SRPRA: variants seen among roughly 807,000 people sequenced by gnomAD.
SRPRA encodes the protein SRP receptor subunit alpha.
Under a neutral mutation model 61.1 loss-of-function variants are expected in SRPRA, and 30 were observed. The ratio of observed to expected loss-of-function variants is 0.49; its 90% CI spans 0.37 to 0.67. SRPRA has a LOEUF of 0.67. SRPRA is among the 30% of genes least tolerant of loss of function. The probability of loss-of-function intolerance (pLI) is 0.00; values close to 1 mark genes in which losing one functional copy is unlikely to be tolerated. For synonymous variants in SRPRA, 324 were observed against 299.7 expected, an observed-to-expected ratio of 1.08 and a Z score of -0.84; for missense variants, 759 against 828.4, an observed-to-expected ratio of 0.92 and a Z score of 1.03.
At position 126,263,716 on chromosome 11, in the gene SRPRA, T is replaced by A. The variant is rs1256677715; in HGVS notation, c.*200A>T. The A allele has an allele frequency of 3.1e-5, 22 of 708,730 alleles. No individual in the cohort carries two copies. The highest frequency in any genetic ancestry group is 4.8e-5 in the Non-Finnish European group (21 of 435,274). 43.9% of individuals were successfully genotyped at this position (708,730 alleles called of 1,614,324 possible). ...CCGCTGGGAGAGGGTCAGTGGGCAG[T>A]GATTGTAACATGATTAGGCCTTCCT... On this transcript the variant is annotated 3_prime_UTR_variant, in exon 14 of 14. Transcript: ENST00000332118.
chr11:126,254,234 C>T, the SRPRA span: 6 of 1,551,978 alleles, frequency 3.9e-6, no homozygotes, highest in Non-Finnish European at 5.2e-6. Flanking sequence ...AAAACAGCCT[C>T]TTGCCCATTG....
the SRPRA span, among the ~76,000 whole-genome samples, chr11:126,237,685 A>T: frequency 1.5e-4 from 1 of 6,548 alleles, no homozygotes; most frequent in Non-Finnish European, 2.8e-4. Flanking sequence ...TCTACTAAAA[A>T]AAAAAAAAAA....
downstream of SRPRA, among the ~76,000 whole-genome samples, chr11:126,258,968 G>A (rs1950626822): frequency 6.6e-6 from 1 of 152,180 alleles, no homozygotes; most frequent in Non-Finnish European, 1.5e-5. Context: ...TATTAGCTGT[G>A]TAGGCTTCCT....
chr11:126,240,658 G>A, the SRPRA span: 3 of 790,302 alleles, frequency 3.8e-6, no homozygotes, highest in Non-Finnish European at 5.9e-6. Context: ...CTTTGGAAAG[G>A]TGTCAAAAAC....
the SRPRA span, among the ~76,000 whole-genome samples, chr11:126,251,044 T>C: frequency 2.6e-5 from 4 of 152,226 alleles, no homozygotes; most frequent in Non-Finnish European, 5.9e-5. Flanking sequence ...TGGTGTAATA[T>C]TGATAATGCT....
the SRPRA span, among the ~76,000 whole-genome samples, chr11:126,249,253 T>C: frequency 6.6e-6 from 1 of 152,342 alleles, no homozygotes; most frequent in African/African-American, 2.4e-5. Flanking sequence ...GATTGGTGTT[T>C]GATGTTTTCA....
At chr11:126,256,586 A>G in the SRPRA span, 5 of 1,613,918 alleles carry the variant, frequency 3.1e-6, no homozygotes, top group Admixed American at 3.3e-5. This position sits in a 1 kb window ranked among gnomAD's most constrained non-coding sequence, Gnocchi z 6.6. Context: ...CAGAAACTCT[A>G]CGAAAACAAG....
chr11:126,267,470 T>C lies in SRPRA; in HGVS notation c.365+79A>G. 3 of 1,595,410 alleles carry C rather than the reference T, an allele frequency of 1.9e-6. No individual in the cohort carries two copies. Among genetic ancestry groups the C allele is most frequent in the Non-Finnish European group, 2.6e-6 (3 of 1,168,986 alleles). On this transcript the variant is annotated intron_variant, in intron 3 of 13. Coordinates refer to ENST00000332118, the MANE Select transcript of SRPRA (RefSeq NM_003139.4). This position sits in a 1 kb window ranked among gnomAD's most constrained non-coding sequence, Gnocchi z 4.2. ...TTAGGAATGTCTTTGAACACATCAATTTACCACCTTTGAACCACCTTCAGA... is the reference window on the plus strand; with the variant it reads ...TTAGGAATGTCTTTGAACACATCAACTTACCACCTTTGAACCACCTTCAGA...
the SRPRA span, chr11:126,256,422 C>G: frequency 1.5e-6 from 1 of 653,648 alleles, no homozygotes; most frequent in Middle Eastern, 3.4e-4. The surrounding 1 kb of genome is among the most constrained non-coding windows in gnomAD (Gnocchi z 6.6). Flanking sequence ...AGCAAGAGAT[C>G]ACACTCCTTG....
chr11:126,258,428 G>A (rs548201546), downstream of SRPRA, among the ~76,000 whole-genome samples: 1 of 152,170 alleles, frequency 6.6e-6, no homozygotes, highest in Non-Finnish European at 1.5e-5. Context: ...ACATAAAGCA[G>A]TTTTCCTAAA....
the SRPRA span, among the ~76,000 whole-genome samples, chr11:126,245,795 G>A: frequency 4.6e-5 from 7 of 152,050 alleles, no homozygotes; most frequent in Non-Finnish European, 1.0e-4. Flanking sequence ...TCGGAAGTTC[G>A]AGACCAGCCT....
At chr11:126,252,695 A>G in the SRPRA span, among the ~76,000 whole-genome samples, 1 of 152,088 alleles carries the variant, frequency 6.6e-6, no homozygotes, top group South Asian at 2.1e-4. The surrounding 1 kb of genome is among the most constrained non-coding windows in gnomAD (Gnocchi z 4.7). Flanking sequence ...GTGAGTTGTG[A>G]TCACACTGTT....
chr11:126,266,174 G>A lies in SRPRA; in HGVS notation c.932+13C>T. 6.2e-7 allele frequency: 1 copy of A among 1,613,972 alleles called. No individual in the cohort carries two copies. Among genetic ancestry groups the A allele is most frequent in the Non-Finnish European group, 8.5e-7 (1 of 1,179,928 alleles). The stretch of plus-strand genomic sequence containing the variant: ...CAGATGCATATACCAACCCCCACCT[G>A]AAATTCCCCTACCTAGGTTTGGTAG... On this transcript the variant is annotated intron_variant, in intron 7 of 13. Transcript: ENST00000332118.
At chr11:126,258,702 CAT>C (rs1591530895), downstream of SRPRA, among the ~76,000 whole-genome samples, 1 of 152,218 alleles carries the variant, frequency 6.6e-6, no homozygotes, top group Non-Finnish European at 1.5e-5. Context: ...TTCTGTTGCA[CAT>C]GTTGTTTTCA....
In SRPRA at chr11:126,265,399, C is replaced by A; in HGVS notation, c.1180G>T (p.Val394Leu). ...CGACGCTGTGGCTGCAGAATCTGCACCAGGGACTCCTGTAGGGCTTGCTTT... is the reference window on the plus strand; with the variant it reads ...CGACGCTGTGGCTGCAGAATCTGCAACAGGGACTCCTGTAGGGCTTGCTTT... ...TVKQALQESL[V>L]QILQPQRRVD... The change falls in exon 10 of 14, where the codon GTG becomes TTG. Residue 394 changes from valine (V) to leucine (L), a missense_variant. Coordinates refer to ENST00000332118, the MANE Select transcript of SRPRA (RefSeq NM_003139.4). This position sits in a 1 kb window ranked among gnomAD's most constrained non-coding sequence, Gnocchi z 6.3. 6.2e-7 allele frequency: 1 copy of A among 1,613,922 alleles called. No individual in the cohort carries two copies. The highest frequency in any genetic ancestry group is 1.1e-5 in the South Asian group (1 of 91,076).
the SRPRA span, chr11:126,250,678 A>G: frequency 2.4e-5 from 39 of 1,614,168 alleles, no homozygotes; most frequent in Non-Finnish European, 3.1e-5. This position sits in a 1 kb window ranked among gnomAD's most constrained non-coding sequence, Gnocchi z 5.1. Flanking sequence ...TTGGAACTGT[A>G]TGCAGCAGAT....
the SRPRA span, among the ~76,000 whole-genome samples, chr11:126,249,731 CAAAAAAAAAA>C: frequency 3.8e-5 from 3 of 79,004 alleles, no homozygotes; most frequent in East Asian, 1.2e-3. Context: ...GACTCCGTCT[CAAAAAAAAAA>C]AAAAAAAAAA....
chr11:126,262,355 C>G (rs1950718476), downstream of SRPRA: 3 of 572,244 alleles, frequency 5.2e-6, 1 homozygote, highest in Non-Finnish European at 9.3e-6. Context: ...ATAAAAGCGA[C>G]AGCAGGACCC....
In SRPRA at chr11:126,265,784, T is replaced by C; in HGVS notation, c.1091A>G (p.Glu364Gly). The C allele has an allele frequency of 6.2e-7, 1 of 1,614,204 alleles. No individual in the cohort carries two copies. Among genetic ancestry groups the C allele is most frequent in the Non-Finnish European group, 8.5e-7 (1 of 1,180,040 alleles). Reference protein sequence around the residue: ...VAADIAVQLCESVANKLEGKV... With the variant: ...VAADIAVQLCGSVANKLEGKV... ...CCCTTCCAACTTGTTGGCAACAGAT[T>C]CACAGAGCTGGACGGCAATGTCTGC... The change falls in exon 9 of 14, where the codon GAA becomes GGA. Residue 364 changes from glutamate to glycine, a missense_variant. This residue lies in a region of SRPRA where 475 missense variants were observed against 462.5 expected (regional missense o/e 1.03). Transcript: ENST00000332118. This position sits in a 1 kb window ranked among gnomAD's most constrained non-coding sequence, Gnocchi z 6.3.
Sources: allele counts gnomAD v4.1 joint callset (sites outside exome capture counted in the v4.1 genomes callset), GRCh38; gene constraint gnomAD v4.1.1; regional missense constraint gnomAD v4.1.1; non-coding constraint Gnocchi (gnomAD v3.1); transcripts MANE v1.5; gene names NCBI Gene and HGNC (gene_info 2026-07-23, HGNC 2026-07-21).